Variants in GRK2 observed in about 807,000 individuals in gnomAD.
The protein encoded by GRK2 is G protein-coupled receptor kinase 2.
GRK2 carries 23 observed loss-of-function variants against 97.8 expected under a neutral mutation model. That is an observed-to-expected ratio of 0.24 (90% CI 0.17 to 0.33). The LOEUF (loss-of-function observed/expected upper bound fraction) is 0.33, where lower values mean the gene tolerates loss of function less well. GRK2 is among the 10% of genes least tolerant of loss of function. The probability of loss-of-function intolerance (pLI) is 1.00; values close to 1 mark genes in which losing one functional copy is unlikely to be tolerated. For missense variants in GRK2, 633 were observed against 956.9 expected (o/e 0.66, Z 4.47); for synonymous variants, 425 against 381.7 (o/e 1.11, Z -1.32).
At chr11:67,285,226 G>A (rs1278369704) in intron 20 of GRK2, 38 bp downstream of exon 20, 2 of 1,611,826 alleles carry the variant, frequency 1.2e-6, no homozygotes, top group Non-Finnish European at 1.7e-6. Context: ...AGGGCCGAGG[G>A]GCCAGGCCAG....
At chr11:67,274,317 G>A (rs1261982181) in intron 1 of GRK2, among the ~76,000 whole-genome samples, 1 of 151,564 alleles carries the variant, frequency 6.6e-6, no homozygotes, top group Non-Finnish European at 1.5e-5. Context: ...CGCCAAGCTG[G>A]CACCATTTTT....
chr11:67,277,478 C>A, intron 2 of GRK2, 130 bp downstream of exon 2: 1 of 793,740 alleles, frequency 1.3e-6, no homozygotes. Context: ...GCCAGCGAGA[C>A]CCCAGGGCTT....
Position 67,286,179 on chromosome 11 carries a change from C to A in GRK2, c.*729C>A. 1 of 538,736 alleles carries A rather than the reference C, an allele frequency of 1.9e-6. No individual in the cohort carries two copies. The highest frequency in any genetic ancestry group is 3.3e-6 in the Non-Finnish European group (1 of 307,388). The allele number at this position is 538,736 out of a possible 1,614,324, so 33.4% of individuals were successfully genotyped here. ...TTGGGCCATACTGGCCTCGCCTGGC[C>A]TGAGGTCTCGCTGATGCTGGGCTGG... On this transcript the variant is annotated 3_prime_UTR_variant, in exon 21 of 21. Transcript: ENST00000308595.
intron 5 of GRK2, 52 bp from the exon 6 acceptor site, chr11:67,279,787 G>T: frequency 1.9e-6 from 3 of 1,612,778 alleles, no homozygotes; most frequent in Non-Finnish European, 1.7e-6. Context: ...TGGGGCCTGG[G>T]CAACCACGGT....
At chr11:67,284,604 G>C in intron 18 of GRK2, 3 of 704,056 alleles carry the variant, frequency 4.3e-6, no homozygotes, top group Non-Finnish European at 6.9e-6. Context: ...GGCCAACATG[G>C]TGAAACCCTG....
rs745926852 is a variant in GRK2, at chr11:67,282,341, C to A, written c.1028C>A (p.Ser343Tyr). The part of the protein sequence containing the change: ...ISDLGLACDF[S>Y]KKKPHASVGT... ...GACCTGGGCCTGGCCTGTGACTTCT[C>A]CAAGAAGAAGCCCCATGCCAGCGTG... The change falls in exon 12 of 21, where the codon TCC becomes TAC. Residue 343 changes from serine (S) to tyrosine (Y), a missense_variant. By Grantham distance (144) the Ser-to-Tyr change is moderately radical. Transcript: ENST00000308595. This position sits in a 1 kb window ranked among gnomAD's most constrained non-coding sequence, Gnocchi z 6.9. 1 of 1,613,532 alleles carries A rather than the reference C, an allele frequency of 6.2e-7. No individual in the cohort carries two copies. Among genetic ancestry groups the A allele is most frequent in the Admixed American group, 1.7e-5 (1 of 60,022 alleles).
chr11:67,274,646 G>A (rs1189571771), intron 1 of GRK2, among the ~76,000 whole-genome samples: 1 of 151,582 alleles, frequency 6.6e-6, no homozygotes, highest in Non-Finnish European at 1.5e-5. Flanking sequence ...GTGCCCTGAG[G>A]GTCGCCCAGG....
In GRK2 at chr11:67,269,598, T is replaced by G. The variant is rs544949816; in HGVS notation, c.113+2786T>G. ...CGTTGGCTGGGATGGAGAACTGAGC[T>G]GCCGTGGCAAAGCTACTGCACCGAG... On this transcript the variant is annotated intron_variant, in intron 1 of 20. Coordinates refer to ENST00000308595, the MANE Select transcript of GRK2 (RefSeq NM_001619.5). This position sits in a 1 kb window ranked among gnomAD's most constrained non-coding sequence, Gnocchi z 4.1. Among the ~76,000 whole-genome samples, 584 of 152,326 alleles carry G rather than the reference T, an allele frequency of 3.8e-3. 3 individuals are homozygous for G. Among genetic ancestry groups the G allele is most frequent in the Non-Finnish European group, 2.2e-3 (153 of 68,022 alleles).
chr11:67,283,684 A>C, intron 15 of GRK2, 23 bp from the exon 16 acceptor site: 9 of 1,612,222 alleles, frequency 5.6e-6, no homozygotes, highest in Non-Finnish European at 7.6e-6. Context: ...GGCTGAGCCC[A>C]GATGACTGGC....
In GRK2 at chr11:67,282,530, A is replaced by G; in HGVS notation, c.1148A>G (p.Lys383Arg). ...DWFSLGCMLF[K>R]LLRGHSPFRQ... ...TTCTCTCTGGGGTGCATGCTCTTCA[A>G]GTTGCTGCGGGGGTGAGTGGCCCAT... is the stretch of plus-strand genomic sequence containing the variant. Residue 383 changes from lysine to arginine, a missense_variant, in exon 13 of 21, where the codon AAG (lysine) becomes AGG (arginine). This residue lies in a region of GRK2 where 192 missense variants were observed against 362.3 expected (regional missense o/e 0.53). Coordinates refer to ENST00000308595, the MANE Select transcript of GRK2 (RefSeq NM_001619.5). The surrounding 1 kb of genome is among the most constrained non-coding windows in gnomAD (Gnocchi z 6.9). The G allele has an allele frequency of 6.2e-7, 1 of 1,613,560 alleles. No individual in the cohort carries two copies. Among genetic ancestry groups the G allele is most frequent in the African/African-American group, 1.3e-5 (1 of 75,042 alleles).
In GRK2 at chr11:67,281,114, G is replaced by A. The variant is rs1465763738; in HGVS notation, c.577G>A (p.Val193Met). The stretch of plus-strand genomic sequence containing the variant: ...TCAGCTGACCATGAATGACTTCAGC[G>A]TGCATCGCATCATTGGGCGCGGGGG... The part of the protein sequence containing the change: ...NIHLTMNDFS[V>M]HRIIGRGGFG... The change falls in exon 8 of 21, where the codon GTG becomes ATG. Residue 193 changes from valine to methionine, a missense_variant. Transcript: ENST00000308595. This position sits in a 1 kb window ranked among gnomAD's most constrained non-coding sequence, Gnocchi z 5.7. 2 of 1,613,354 alleles carry A rather than the reference G, an allele frequency of 1.2e-6. No homozygotes were observed. The highest frequency in any genetic ancestry group is 1.7e-6 in the Non-Finnish European group (2 of 1,179,710).
Position 67,285,359 on chromosome 11 carries a change from G to T in GRK2, c.1979G>T (p.Arg660Leu). The T allele has an allele frequency of 6.2e-7, 1 of 1,610,090 alleles. No individual in the cohort carries two copies. Among genetic ancestry groups the T allele is most frequent in the Non-Finnish European group, 8.5e-7 (1 of 1,179,454 alleles). ...CGCGAGGCCCAGCAGCTGGTGCAGC[G>T]GGTGCCCAAGATGAAGAACAAGCCG... ...AYREAQQLVQ[R>L]VPKMKNKPRS... is the part of the protein sequence containing the mutation. Residue 660 changes from arginine to leucine, a missense_variant, in exon 21 of 21, where the codon CGG becomes CTG. By Grantham distance (102) the Arg-to-Leu change is moderately radical (BLOSUM62 -2). Transcript: ENST00000308595.
chr11:67,284,056 T>C, intron 17 of GRK2, 107 bp downstream of exon 17: 2 of 1,414,668 alleles, frequency 1.4e-6, no homozygotes, highest in Admixed American at 1.9e-5. Flanking sequence ...CCCTGCCAGC[T>C]TGTAGGCCTC....
intron 1 of GRK2, 57 bp downstream of exon 1, chr11:67,266,869 C>T (rs1376635769): frequency 2.3e-6 from 2 of 888,562 alleles, no homozygotes; most frequent in African/African-American, 3.5e-5. Flanking sequence ...CGGCCGCGGC[C>T]CCGAGACCCT....
intron 15 of GRK2, 54 bp downstream of exon 15, chr11:67,283,282 G>C: frequency 6.6e-7 from 1 of 1,509,326 alleles, no homozygotes; most frequent in Admixed American, 1.7e-5. Context: ...ATGAGGACAA[G>C]GGCTGTGTCC....
chr11:67,282,432 C>T lies in GRK2; in HGVS notation c.1053-3C>T. ...CCCGCTTATGGCCCCCTTGCTCCCA[C>T]AGGGGCACCCACGGGTACATGGCTC... On this transcript the variant is annotated splice_polypyrimidine_tract_variant and splice_region_variant and intron_variant, in intron 12 of 20. Coordinates refer to ENST00000308595, the MANE Select transcript of GRK2 (RefSeq NM_001619.5). The surrounding 1 kb of genome is among the most constrained non-coding windows in gnomAD (Gnocchi z 6.9). The T allele has an allele frequency of 6.2e-7, 1 of 1,613,220 alleles. No individual in the cohort carries two copies. The highest frequency in any genetic ancestry group is 8.5e-7 in the Non-Finnish European group (1 of 1,179,638).
Position 67,282,006 on chromosome 11 carries a change from T to G in GRK2, c.957+54T>G, listed in dbSNP as rs774982785. 130 of 1,606,928 alleles carry G rather than the reference T, an allele frequency of 8.1e-5. No individual in the cohort carries two copies. Among genetic ancestry groups the G allele is most frequent in the Non-Finnish European group, 1.1e-4 (125 of 1,175,840 alleles). ...ACCTCCGTGGCTGTCCTCTCCTTCC[T>G]CTCGACATCCCGGCCACCAGGCCCA... On this transcript the variant is annotated intron_variant, in intron 11 of 20. Coordinates refer to ENST00000308595, the MANE Select transcript of GRK2 (RefSeq NM_001619.5). The surrounding 1 kb of genome is among the most constrained non-coding windows in gnomAD (Gnocchi z 6.9).
intron 2 of GRK2, among the ~76,000 whole-genome samples, chr11:67,277,762 C>A (rs771582112): frequency 1.9e-4 from 29 of 152,326 alleles, no homozygotes; most frequent in South Asian, 6.2e-4. Context: ...TTGTAAGCAA[C>A]CTGCCTGGTG....
chr11:67,268,256 C>T (rs947801127), intron 1 of GRK2, among the ~76,000 whole-genome samples: 9 of 152,188 alleles, frequency 5.9e-5, no homozygotes, highest in Admixed American at 2.0e-4. Flanking sequence ...TGGCCCTCAC[C>T]GCCCCCCTGT....
Sources: allele counts gnomAD v4.1 joint callset (sites outside exome capture counted in the v4.1 genomes callset), GRCh38; gene constraint gnomAD v4.1.1; regional missense constraint gnomAD v4.1.1; non-coding constraint Gnocchi (gnomAD v3.1); transcripts MANE v1.5; gene names NCBI Gene and HGNC (gene_info 2026-07-23, HGNC 2026-07-21).